MAD1L1: variants seen among roughly 807,000 people sequenced by gnomAD.
MAD1L1 encodes the protein mitotic arrest deficient 1 like 1, also known as mitotic spindle assembly checkpoint protein MAD1.
Under a neutral mutation model 96.9 loss-of-function variants are expected in MAD1L1, and 95 were observed. That is an observed-to-expected ratio of 0.98 (90% CI 0.83 to 1.16). MAD1L1 has a LOEUF of 1.16. Among genes scored for constraint, MAD1L1 ranks in the 50% most tolerant of loss-of-function variants. The pLI is 0.00. For synonymous variants in MAD1L1, 473 were observed against 396.6 expected, an observed-to-expected ratio of 1.19 and a Z score of -2.29; for missense variants, 1,007 against 954.4, an observed-to-expected ratio of 1.06 and a Z score of -0.73.
At chr7:2,019,057 C>T (rs1216311448) in intron 12 of MAD1L1, among the ~76,000 whole-genome samples, 1 of 152,204 alleles carries the variant, frequency 6.6e-6, no homozygotes, top group Non-Finnish European at 1.5e-5. Flanking sequence ...GGAGCCACCA[C>T]AAGAAACTGA....
chr7:1,931,741 G>C (rs907701019), intron 17 of MAD1L1, among the ~76,000 whole-genome samples: 13 of 151,378 alleles, frequency 8.6e-5, no homozygotes, highest in African/African-American at 2.7e-4. Flanking sequence ...CCTTACGACT[G>C]TGTGAGGCTG....
At chr7:1,870,255 G>GCTGAACCCAACATATGCCTGCCACA (rs1784983317) in intron 18 of MAD1L1, among the ~76,000 whole-genome samples, 7 of 148,494 alleles carry the variant, frequency 4.7e-5, no homozygotes, top group African/African-American at 1.5e-4. Context: ...CACCTGCCAC[G>GCTGAACCCAACATATGCCTGCCACA]CTGAACCCAA....
chr7:2,176,668 C>G (rs1246380304), intron 10 of MAD1L1, among the ~76,000 whole-genome samples: 2 of 151,894 alleles, frequency 1.3e-5, no homozygotes, highest in African/African-American at 2.4e-5. Context: ...TCTCTATACA[C>G]GAGAATCCAG....
intron 11 of MAD1L1, among the ~76,000 whole-genome samples, chr7:2,134,179 T>G (rs769742434): frequency 1.3e-5 from 2 of 152,188 alleles, no homozygotes; most frequent in African/African-American, 4.8e-5. Flanking sequence ...CGGCTTTGAT[T>G]TCTTTCATCA....
chr7:2,108,991 G>C (rs939009677), intron 11 of MAD1L1, among the ~76,000 whole-genome samples: 2 of 152,232 alleles, frequency 1.3e-5, no homozygotes, highest in Non-Finnish European at 2.9e-5. Context: ...CCAAGTATGG[G>C]TTCCAGACCC....
chr7:1,895,247 G>T (rs1186554804), intron 18 of MAD1L1, among the ~76,000 whole-genome samples: 1 of 152,200 alleles, frequency 6.6e-6, no homozygotes, highest in South Asian at 2.1e-4. Context: ...ATGGACCAAG[G>T]TGGGGTCTTG....
chr7:1,898,372 T>G lies in MAD1L1; in HGVS notation c.1826A>C (p.Glu609Ala). The G allele has an allele frequency of 1.2e-6, 2 of 1,613,890 alleles. No individual in the cohort carries two copies. Among genetic ancestry groups the G allele is most frequent in the South Asian group, 2.2e-5 (2 of 91,074 alleles). ...CCGCTGGTTCTTCAGCTCGGCACTC[T>G]CCACCTGCTTCTTCAGCTCTGCGGG... ...KEVAELKKQV[E>A]SAELKNQRLK... Residue 609 changes from glutamate to alanine, a missense_variant, in exon 18 of 19, where the codon GAG becomes GCG. By Grantham distance (107) the Glu-to-Ala change is moderately radical. Transcript: ENST00000265854.
At chr7:2,219,841 C>T (rs1793500565) in intron 5 of MAD1L1, among the ~76,000 whole-genome samples, 1 of 152,152 alleles carries the variant, frequency 6.6e-6, no homozygotes, top group Admixed American at 6.5e-5. Flanking sequence ...CAGGAGCTGA[C>T]AGAGGAGACC....
At chr7:1,868,664 G>A (rs536736139) in intron 18 of MAD1L1, among the ~76,000 whole-genome samples, 2 of 152,330 alleles carry the variant, frequency 1.3e-5, no homozygotes, top group South Asian at 2.1e-4. Flanking sequence ...AGCCCATGCC[G>A]GGTAGGAGTG....
chr7:1,960,792 C>T (rs924330216), intron 15 of MAD1L1, among the ~76,000 whole-genome samples: 30 of 152,262 alleles, frequency 2.0e-4, no homozygotes, highest in Admixed American at 1.7e-3. Flanking sequence ...CCAACTTGAC[C>T]TATTTCACCT....
intron 18 of MAD1L1, among the ~76,000 whole-genome samples, chr7:1,857,792 C>G (rs982999564): frequency 6.6e-6 from 1 of 152,236 alleles, no homozygotes; most frequent in Non-Finnish European, 1.5e-5. Flanking sequence ...ACGACGCCCC[C>G]TCTGAGGCTC....
At chr7:1,959,802 G>A (rs1409041006) in intron 15 of MAD1L1, among the ~76,000 whole-genome samples, 1 of 152,196 alleles carries the variant, frequency 6.6e-6, no homozygotes, top group African/African-American at 2.4e-5. Context: ...GGTAAGGCCT[G>A]CAGGTGAGGG....
intron 10 of MAD1L1, among the ~76,000 whole-genome samples, chr7:2,166,458 C>T (rs536243173): frequency 4.0e-5 from 6 of 151,276 alleles, no homozygotes; most frequent in African/African-American, 7.3e-5. Context: ...TAACAAGAGG[C>T]GCTGTTTGAA....
intron 11 of MAD1L1, among the ~76,000 whole-genome samples, chr7:2,106,085 G>A (rs55865401): frequency 4.5e-4 from 56 of 124,616 alleles, no homozygotes; most frequent in African/African-American, 1.6e-3. Flanking sequence ...CACACACAGC[G>A]CCAGCCATCA....
intron 11 of MAD1L1, among the ~76,000 whole-genome samples, chr7:2,085,261 G>A (rs138054306): frequency 2.3e-3 from 357 of 152,310 alleles, no homozygotes; most frequent in South Asian, 7.0e-3. Context: ...AAGCTCAAAG[G>A]TAGAAAAGGT....
chr7:1,872,421 G>A (rs4721134), intron 18 of MAD1L1, among the ~76,000 whole-genome samples: 43,754 of 152,136 alleles, frequency 0.29, 7,368 homozygotes, highest in East Asian at 0.46. Flanking sequence ...TCTGCGCTGC[G>A]GCTTCCCCGT....
chr7:1,885,316 G>T (rs746905965), intron 18 of MAD1L1, among the ~76,000 whole-genome samples: 1 of 152,146 alleles, frequency 6.6e-6, no homozygotes, highest in Non-Finnish European at 1.5e-5. Flanking sequence ...CGTCCCTCTC[G>T]CGGGTCCTTT....
intron 12 of MAD1L1, 140 bp from the exon 13 acceptor site, chr7:2,014,782 C>T (rs1050196085): frequency 4.4e-6 from 4 of 912,426 alleles, no homozygotes; most frequent in Non-Finnish European, 6.2e-6. Flanking sequence ...CAGAGCCCAC[C>T]CCTGAGGGCC....
Position 2,230,092 on chromosome 7 carries a change from CA to C in MAD1L1, c.41del (p.Leu14ArgfsTer4). The C allele has an allele frequency of 1.2e-6, 2 of 1,609,494 alleles. No homozygotes were observed. Among genetic ancestry groups the C allele is most frequent in the Non-Finnish European group, 1.7e-6 (2 of 1,177,832 alleles). ...LGENTMVLST[L>X]RSLNNFISQR... Reference sequence around the variant, plus strand: ...GAGAGATGAAGTTGTTCAAAGATCTCAGGGTGGATAAAACCATGGTGTTTTC... The same window carrying C: ...GAGAGATGAAGTTGTTCAAAGATCTCGGGTGGATAAAACCATGGTGTTTTC... On this transcript the variant is annotated frameshift_variant, in exon 3 of 19. Transcript: ENST00000265854. LOFTEE classifies it high-confidence loss of function.
Sources: allele counts gnomAD v4.1 joint callset (sites outside exome capture counted in the v4.1 genomes callset), GRCh38; gene constraint gnomAD v4.1.1; transcripts MANE v1.5; gene names NCBI Gene and HGNC (gene_info 2026-07-23, HGNC 2026-07-21).